The following NCOA2 variants were observed in gnomAD, a reference collection of about 807,000 sequenced individuals.
NCOA2 encodes the protein class E basic helix-loop-helix protein 75.
NCOA2 carries 21 observed loss-of-function variants against 145.1 expected under a neutral mutation model. The ratio of observed to expected loss-of-function variants is 0.14; its 90% CI spans 0.10 to 0.21. The LOEUF (loss-of-function observed/expected upper bound fraction) is 0.21. Ranked by LOEUF, NCOA2 falls within the 10% of genes least tolerant of loss-of-function variation. The pLI is 1.00. For missense variants in NCOA2, 1,472 were observed against 1,837.6 expected (o/e 0.80, Z 3.64); for synonymous variants, 619 against 637.5 (o/e 0.97, Z 0.44).
chr8:70,198,498 A>C (rs1436065358), intron 4 of NCOA2, among the ~76,000 whole-genome samples: 3 of 152,302 alleles, frequency 2.0e-5, no homozygotes, highest in Admixed American at 1.3e-4. Flanking sequence ...GAGGCTCAGG[A>C]GTTACACAGC....
At chr8:70,377,420 T>C (rs1454766281) in intron 1 of NCOA2, among the ~76,000 whole-genome samples, 2 of 152,140 alleles carry the variant, frequency 1.3e-5, no homozygotes, top group Non-Finnish European at 2.9e-5. Flanking sequence ...TAGTATTTAG[T>C]ACATTACATT....
chr8:70,171,342 C>G (rs1167966654), intron 5 of NCOA2, among the ~76,000 whole-genome samples: 1 of 152,186 alleles, frequency 6.6e-6, no homozygotes, highest in African/African-American at 2.4e-5. Context: ...CAGAACTAGT[C>G]AGTGGTAGTA....
intron 2 of NCOA2, among the ~76,000 whole-genome samples, chr8:70,290,702 TAAAA>T (rs924082232): frequency 6.6e-5 from 10 of 151,782 alleles, no homozygotes; most frequent in Admixed American, 5.9e-4. Context: ...CACAGTAAAA[TAAAA>T]AAAACTTAAT....
chr8:70,181,456 T>G (rs1290073478), intron 4 of NCOA2, among the ~76,000 whole-genome samples: 1 of 152,232 alleles, frequency 6.6e-6, no homozygotes, highest in Non-Finnish European at 1.5e-5. Context: ...TACTGAGAGA[T>G]AATCCACAGG....
chr8:70,185,061 A>G (rs993054502), intron 4 of NCOA2, among the ~76,000 whole-genome samples: 3 of 152,038 alleles, frequency 2.0e-5, no homozygotes, highest in African/African-American at 7.3e-5. Flanking sequence ...TTTTCCTTCC[A>G]GTTTCTCTCT....
intron 2 of NCOA2, among the ~76,000 whole-genome samples, chr8:70,288,251 G>T (rs2135584885): frequency 6.6e-6 from 1 of 152,250 alleles, no homozygotes; most frequent in Non-Finnish European, 1.5e-5. Context: ...ACTATGATGT[G>T]AAAGAGGAAG....
At chr8:70,284,345 T>C (rs111385679) in intron 2 of NCOA2, among the ~76,000 whole-genome samples, 8,357 of 152,230 alleles carry the variant, frequency 0.055, 307 homozygotes, top group East Asian at 0.16. Flanking sequence ...AGGGTGGAAG[T>C]AGATGGAGGC....
chr8:70,168,089 A>G (rs1157617275), intron 6 of NCOA2, among the ~76,000 whole-genome samples: 4 of 152,240 alleles, frequency 2.6e-5, no homozygotes, highest in African/African-American at 9.6e-5. Context: ...GTCATCAGCT[A>G]AAGAAAATGG....
chr8:70,436,430 A>G, the NCOA2 span, among the ~76,000 whole-genome samples: 1 of 152,260 alleles, frequency 6.6e-6, no homozygotes, highest in Non-Finnish European at 1.5e-5. Flanking sequence ...AACTTTCACA[A>G]CATGGTAAAG....
chr8:70,433,824 G>T, the NCOA2 span, among the ~76,000 whole-genome samples: 1 of 152,122 alleles, frequency 6.6e-6, no homozygotes, highest in African/African-American at 2.4e-5. Flanking sequence ...TTCTTAAAGG[G>T]GGCACCAGGA....
intron 2 of NCOA2, among the ~76,000 whole-genome samples, chr8:70,232,934 T>C (rs1821265567): frequency 6.6e-6 from 1 of 151,484 alleles, no homozygotes; most frequent in Non-Finnish European, 1.5e-5. Flanking sequence ...TCTAGAAAGA[T>C]AATACATGTC....
Position 70,164,521 on chromosome 8 carries a change from T to A in NCOA2, c.731-955A>T, listed in dbSNP as rs183703035. ...AAAATATCAGGCTGCCTCAATTTCA[T>A]CCTCCACAGGTATTCATGCTGTAAG... On this transcript the variant is annotated intron_variant, in intron 7 of 22. Transcript: ENST00000452400. 1.0e-3 allele frequency among the ~76,000 whole-genome samples: 159 copies of A among 152,240 alleles called. 1 individual carries two copies. The highest frequency in any genetic ancestry group is 1.9e-3 in the Non-Finnish European group (128 of 68,012).
At chr8:70,230,268 T>G (rs1480719920) in intron 2 of NCOA2, among the ~76,000 whole-genome samples, 1 of 152,084 alleles carries the variant, frequency 6.6e-6, no homozygotes, top group African/African-American at 2.4e-5. Context: ...ATGTCCAAAA[T>G]AAGCAGATCC....
At chr8:70,360,426 T>G (rs141687848) in intron 1 of NCOA2, among the ~76,000 whole-genome samples, 5 of 152,338 alleles carry the variant, frequency 3.3e-5, no homozygotes, top group African/African-American at 1.2e-4. Flanking sequence ...GTCTTAACTA[T>G]GAATTTAATT....
intron 4 of NCOA2, among the ~76,000 whole-genome samples, chr8:70,208,563 T>C (rs1818706373): frequency 6.6e-6 from 1 of 152,178 alleles, no homozygotes; most frequent in Admixed American, 6.5e-5. Flanking sequence ...CAACGCCTCA[T>C]TTCGAAGCTT....
the NCOA2 span, among the ~76,000 whole-genome samples, chr8:70,452,501 A>C: frequency 6.6e-6 from 1 of 152,312 alleles, no homozygotes; most frequent in Admixed American, 6.5e-5. Flanking sequence ...AGAATGGGCA[A>C]ATCCATACAA....
intron 1 of NCOA2, among the ~76,000 whole-genome samples, chr8:70,402,882 CCCCGCCCCCACCACGG>C (rs1186812944): frequency 7.0e-6 from 1 of 143,516 alleles, no homozygotes; most frequent in Admixed American, 6.8e-5. Flanking sequence ...GCCCCCGGCT[CCCCGCCCCCACCACGG>C]CCCGGCCTGC....
chr8:70,396,968 C>T (rs1813726629), intron 1 of NCOA2, among the ~76,000 whole-genome samples: 1 of 152,172 alleles, frequency 6.6e-6, no homozygotes, highest in African/African-American at 2.4e-5. Context: ...TGCTCACAGG[C>T]ACAGGACTTA....
intron 9 of NCOA2, among the ~76,000 whole-genome samples, chr8:70,161,501 T>C (rs1438443565): frequency 1.3e-5 from 2 of 152,030 alleles, no homozygotes; most frequent in African/African-American, 2.4e-5. Flanking sequence ...ATAGGATGAA[T>C]AGGATGAAAA....
Sources: allele counts gnomAD v4.1 joint callset (sites outside exome capture counted in the v4.1 genomes callset), GRCh38; gene constraint gnomAD v4.1.1; transcripts MANE v1.5; gene names NCBI Gene and HGNC (gene_info 2026-07-23, HGNC 2026-07-21).